The following KCNJ3 variants were observed in gnomAD, a reference collection of about 807,000 sequenced individuals.
KCNJ3 encodes G protein-activated inward rectifier potassium channel 1.
In KCNJ3, 4 loss-of-function variants were observed where a neutral mutation model predicts 39.2. The ratio of observed to expected loss-of-function variants is 0.10; its 90% CI spans 0.05 to 0.23. The LOEUF is 0.23. KCNJ3 is among the 10% of genes least tolerant of loss of function. The probability of loss-of-function intolerance (pLI) is 1.00; values close to 1 mark genes in which losing one functional copy is unlikely to be tolerated. For missense variants in KCNJ3, 276 were observed against 634.9 expected, an observed-to-expected ratio of 0.43 and a Z score of 6.08; for synonymous variants, 230 against 237.4, an observed-to-expected ratio of 0.97 and a Z score of 0.29.
intron 2 of KCNJ3, among the ~76,000 whole-genome samples, chr2:154,730,212 T>C (rs1685427811): frequency 6.6e-6 from 1 of 152,040 alleles, no homozygotes; most frequent in South Asian, 2.1e-4. Flanking sequence ...TATCTCTCCA[T>C]TGCATTGGTC....
At chr2:154,847,099 T>C (rs1366173735) in intron 2 of KCNJ3, among the ~76,000 whole-genome samples, 1 of 152,186 alleles carries the variant, frequency 6.6e-6, no homozygotes, top group Non-Finnish European at 1.5e-5. Context: ...TTCCATCTTT[T>C]TGAAAACTTC....
intron 2 of KCNJ3, among the ~76,000 whole-genome samples, chr2:154,743,850 G>A (rs527357004): frequency 2.6e-5 from 4 of 151,154 alleles, no homozygotes; most frequent in African/African-American, 7.3e-5. Flanking sequence ...CCCATAATGT[G>A]GAGTCTTGAA....
At chr2:154,831,200 C>T (rs1448608893) in intron 2 of KCNJ3, among the ~76,000 whole-genome samples, 1 of 152,144 alleles carries the variant, frequency 6.6e-6, no homozygotes, top group East Asian at 1.9e-4. Flanking sequence ...TAAAGCACAA[C>T]AGTTACCCCT....
intron 2 of KCNJ3, among the ~76,000 whole-genome samples, chr2:154,767,626 G>T (rs760940742): frequency 6.6e-6 from 1 of 152,140 alleles, no homozygotes; most frequent in Admixed American, 6.5e-5. Context: ...TTGCTATTGT[G>T]AGTAGTGCCA....
chr2:154,709,878 T>C (rs1042007288), intron 2 of KCNJ3, 59 bp downstream of exon 2: 2 of 1,573,872 alleles, frequency 1.3e-6, no homozygotes, highest in South Asian at 2.3e-5. Flanking sequence ...TTATATGATA[T>C]GCACAATACC....
intron 2 of KCNJ3, among the ~76,000 whole-genome samples, chr2:154,745,141 G>A (rs934657189): frequency 6.6e-6 from 1 of 151,832 alleles, no homozygotes; most frequent in Admixed American, 6.6e-5. Context: ...CTATGGTCCA[G>A]TATAGGCCCT....
intron 2 of KCNJ3, among the ~76,000 whole-genome samples, chr2:154,760,701 A>C (rs1214343403): frequency 2.0e-5 from 3 of 149,524 alleles, no homozygotes; most frequent in Non-Finnish European, 4.4e-5. Flanking sequence ...TTACAGGCTC[A>C]TGCCAACACC....
chr2:154,837,533 G>C (rs969226496), intron 2 of KCNJ3, among the ~76,000 whole-genome samples: 9 of 151,938 alleles, frequency 5.9e-5, no homozygotes, highest in African/African-American at 2.2e-4. Flanking sequence ...TATAGTAATG[G>C]GAATGGAAGA....
intron 2 of KCNJ3, among the ~76,000 whole-genome samples, chr2:154,749,372 A>T (rs1685799618): frequency 6.6e-6 from 1 of 152,088 alleles, no homozygotes; most frequent in South Asian, 2.1e-4. Context: ...CTGCTTCGTT[A>T]TGGTTCCTGC....
intron 1 of KCNJ3, among the ~76,000 whole-genome samples, chr2:154,708,580 T>G (rs540005752): frequency 6.6e-6 from 1 of 152,152 alleles, no homozygotes; most frequent in Non-Finnish European, 1.5e-5. Context: ...TGTATTTAAT[T>G]CCTAACTACC....
chr2:154,779,367 C>T (rs1686393847), intron 2 of KCNJ3, among the ~76,000 whole-genome samples: 1 of 150,404 alleles, frequency 6.6e-6, no homozygotes, highest in African/African-American at 2.4e-5. Context: ...GAGAGCTCCT[C>T]CTAGCATCCT....
intron 2 of KCNJ3, among the ~76,000 whole-genome samples, chr2:154,794,829 C>T (rs1353261841): frequency 1.3e-5 from 2 of 151,952 alleles, no homozygotes; most frequent in Non-Finnish European, 2.9e-5. Context: ...AATGCTGAGG[C>T]CATAGTAGGT....
intron 2 of KCNJ3, among the ~76,000 whole-genome samples, chr2:154,841,869 A>G (rs1387007291): frequency 6.6e-6 from 1 of 151,612 alleles, no homozygotes; most frequent in Non-Finnish European, 1.5e-5. Flanking sequence ...AATTTTGTTG[A>G]TCTTTTCAAA....
At chr2:154,704,876 C>T (rs1385588066) in intron 1 of KCNJ3, among the ~76,000 whole-genome samples, 2 of 152,128 alleles carry the variant, frequency 1.3e-5, no homozygotes, top group Non-Finnish European at 2.9e-5. Flanking sequence ...CATGCACACA[C>T]ACACATAAAT....
intron 2 of KCNJ3, among the ~76,000 whole-genome samples, chr2:154,742,054 A>G (rs1685662823): frequency 5.3e-5 from 8 of 151,820 alleles, no homozygotes. Context: ...AGACATGCTC[A>G]GTCCCTGGAA....
chr2:154,716,069 G>A (rs1188087598), intron 2 of KCNJ3, among the ~76,000 whole-genome samples: 1 of 151,634 alleles, frequency 6.6e-6, no homozygotes, highest in Non-Finnish European at 1.5e-5. Context: ...GCTAATAATG[G>A]ACATAATTAT....
intron 2 of KCNJ3, among the ~76,000 whole-genome samples, chr2:154,777,042 G>GCACACACA (rs34640641): frequency 5.3e-5 from 8 of 150,234 alleles, no homozygotes; most frequent in South Asian, 2.1e-4. Context: ...ACGTACACAC[G>GCACACACA]CACACACACA....
intron 2 of KCNJ3, among the ~76,000 whole-genome samples, chr2:154,849,946 C>A (rs1432179869): frequency 7.4e-6 from 1 of 135,960 alleles, no homozygotes; most frequent in Non-Finnish European, 1.5e-5. Context: ...ATAAATTACA[C>A]TAAACAATAA....
chr2:154,846,709 C>T (rs1574485293), intron 2 of KCNJ3, among the ~76,000 whole-genome samples: 1 of 152,142 alleles, frequency 6.6e-6, no homozygotes, highest in East Asian at 1.9e-4. Context: ...GACCATGAGC[C>T]TTTAGCATCT....
Sources: gnomAD v4.1 joint callset for allele counts (sites outside exome capture counted in the v4.1 genomes callset) on GRCh38, gnomAD v4.1.1 for gene constraint, MANE v1.5 for transcripts, NCBI Gene and HGNC (gene_info 2026-07-23, HGNC 2026-07-21) for gene names.